LSAMP: variants seen among roughly 807,000 people sequenced by gnomAD.
LSAMP encodes the protein limbic system associated membrane protein.
In LSAMP, 7 loss-of-function variants were observed where a neutral mutation model predicts 38.6. That is an observed-to-expected ratio of 0.18 (90% confidence interval 0.10 to 0.34). The LOEUF (loss-of-function observed/expected upper bound fraction) is 0.34. Ranked by LOEUF, LSAMP falls within the 10% of genes least tolerant of loss-of-function variation. The probability of loss-of-function intolerance (pLI) is 1.00; values close to 1 mark genes in which losing one functional copy is unlikely to be tolerated. For missense variants in LSAMP, 313 were observed against 420.0 expected, an observed-to-expected ratio of 0.75 and a Z score of 2.23; for synonymous variants, 154 against 166.8, an observed-to-expected ratio of 0.92 and a Z score of 0.59.
intron 1 of LSAMP, among the ~76,000 whole-genome samples, chr3:116,255,493 G>A (rs1042926748): frequency 4.6e-5 from 7 of 152,208 alleles, no homozygotes; most frequent in African/African-American, 1.4e-4. Flanking sequence ...TGAAACATGT[G>A]TATTTATAGA....
At chr3:116,025,581 T>C (rs903415266) in intron 2 of LSAMP, among the ~76,000 whole-genome samples, 2 of 152,164 alleles carry the variant, frequency 1.3e-5, no homozygotes, top group African/African-American at 4.8e-5. Flanking sequence ...TTTCTTTTTT[T>C]ATATTGAATT....
At chr3:116,266,405 C>T (rs1187405318) in intron 1 of LSAMP, among the ~76,000 whole-genome samples, 1 of 151,998 alleles carries the variant, frequency 6.6e-6, no homozygotes, top group African/African-American at 2.4e-5. Context: ...TGAGAGAGGG[C>T]AGAAAGGTCA....
intron 3 of LSAMP, among the ~76,000 whole-genome samples, chr3:115,979,293 T>C (rs555599502): frequency 1.3e-5 from 2 of 151,988 alleles, no homozygotes; most frequent in East Asian, 3.9e-4. Flanking sequence ...TTAGGAGGAA[T>C]AGTTTAAAGA....
At chr3:116,215,152 T>A (rs192878155) in intron 1 of LSAMP, among the ~76,000 whole-genome samples, 1 of 152,320 alleles carries the variant, frequency 6.6e-6, no homozygotes, top group Admixed American at 6.5e-5. Flanking sequence ...TGTGCCATCA[T>A]AATAAGGAAA....
intron 1 of LSAMP, among the ~76,000 whole-genome samples, chr3:116,392,350 C>T (rs1050532869): frequency 1.3e-5 from 2 of 152,218 alleles, no homozygotes; most frequent in South Asian, 2.1e-4. Context: ...CACTGCCTGG[C>T]TTCTCCCCAC....
chr3:115,822,473 G>C (rs1451915905), intron 6 of LSAMP, among the ~76,000 whole-genome samples: 1 of 150,052 alleles, frequency 6.7e-6, no homozygotes, highest in Non-Finnish European at 1.5e-5. Context: ...CAATTATCCT[G>C]CCTCAGCCTC....
chr3:115,928,975 T>TTTTTTTTTTTTTTTTTG (rs1937534273), intron 3 of LSAMP, among the ~76,000 whole-genome samples: 1 of 139,296 alleles, frequency 7.2e-6, no homozygotes, highest in Non-Finnish European at 1.5e-5. Flanking sequence ...TTTTGTTTGT[T>TTTTTTTTTTTTTTTTTG]TTTTTTTTTT....
chr3:115,943,456 AAGAT>A (rs1937996123), intron 3 of LSAMP, among the ~76,000 whole-genome samples: 1 of 152,168 alleles, frequency 6.6e-6, no homozygotes, highest in Non-Finnish European at 1.5e-5. Context: ...ATTAGAGAAT[AAGAT>A]AGATGCTGGT....
At chr3:115,890,935 A>G (rs1936582328) in intron 3 of LSAMP, among the ~76,000 whole-genome samples, 1 of 151,904 alleles carries the variant, frequency 6.6e-6, no homozygotes, top group South Asian at 2.1e-4. Flanking sequence ...AGTATCCTGT[A>G]AAAATACCGA....
intron 2 of LSAMP, among the ~76,000 whole-genome samples, chr3:116,061,357 G>T (rs754918419): frequency 5.9e-5 from 9 of 152,166 alleles, no homozygotes; most frequent in Non-Finnish European, 1.2e-4. Flanking sequence ...ATGAAAAGCT[G>T]CTTAGGTTCT....
At chr3:116,425,345 T>C (rs1731607) in intron 1 of LSAMP, among the ~76,000 whole-genome samples, 90,738 of 151,978 alleles carry the variant, frequency 0.6, 27,936 homozygotes, top group East Asian at 0.72. Flanking sequence ...GCAACAAATA[T>C]ACTTCATTCT....
intron 6 of LSAMP, among the ~76,000 whole-genome samples, chr3:115,823,923 T>G (rs1934327347): frequency 6.6e-6 from 1 of 152,222 alleles, no homozygotes; most frequent in South Asian, 2.1e-4. Context: ...AAAGTAAGTA[T>G]AGGTGCATGA....
At chr3:115,878,770 G>A (rs1379841556) in intron 3 of LSAMP, among the ~76,000 whole-genome samples, 1 of 151,970 alleles carries the variant, frequency 6.6e-6, no homozygotes, top group Non-Finnish European at 1.5e-5. Flanking sequence ...GTGAGAACAT[G>A]CTATTCTAAT....
intron 6 of LSAMP, among the ~76,000 whole-genome samples, chr3:115,819,809 G>C (rs759108215): frequency 6.6e-6 from 1 of 152,100 alleles, no homozygotes; most frequent in Non-Finnish European, 1.5e-5. Context: ...TAACAGTTGG[G>C]ATTCCATTTT....
At chr3:116,243,568 T>C (rs1704949720) in intron 1 of LSAMP, among the ~76,000 whole-genome samples, 1 of 152,264 alleles carries the variant, frequency 6.6e-6, no homozygotes, top group South Asian at 2.1e-4. Context: ...TCTTAACTAC[T>C]CAATGCATGT....
chr3:116,418,124 C>A (rs1293577296), intron 1 of LSAMP, among the ~76,000 whole-genome samples: 1 of 152,168 alleles, frequency 6.6e-6, no homozygotes, highest in Non-Finnish European at 1.5e-5. Flanking sequence ...TAGTTGGTCA[C>A]TTTCCTGTAT....
chr3:116,220,603 C>A (rs1461253327), intron 1 of LSAMP, among the ~76,000 whole-genome samples: 1 of 152,072 alleles, frequency 6.6e-6, no homozygotes, highest in Non-Finnish European at 1.5e-5. Context: ...TTTCTTATTC[C>A]TTTCAGGTGT....
At chr3:116,211,957 G>T (rs750941065) in intron 1 of LSAMP, among the ~76,000 whole-genome samples, 1 of 152,168 alleles carries the variant, frequency 6.6e-6, no homozygotes, top group Non-Finnish European at 1.5e-5. Context: ...GGAAGCTTGT[G>T]TCAGTATTCT....
chr3:115,886,739 C>T (rs1392538376), intron 3 of LSAMP, among the ~76,000 whole-genome samples: 2 of 151,908 alleles, frequency 1.3e-5, no homozygotes, highest in Admixed American at 6.6e-5. Context: ...TCCACAAACC[C>T]ACTTCACTTA....
Sources: allele counts gnomAD v4.1 joint callset (sites outside exome capture counted in the v4.1 genomes callset), GRCh38; gene constraint gnomAD v4.1.1; transcripts MANE v1.5; gene names NCBI Gene and HGNC (gene_info 2026-07-23, HGNC 2026-07-21).